Variants in CFDP1 observed in about 807,000 individuals in gnomAD.
CFDP1 encodes the protein chromatin remodeling protein CFDP1.
CFDP1 carries 31 observed loss-of-function variants against 40.1 expected under a neutral mutation model. That is an observed-to-expected ratio of 0.77 (90% CI 0.58 to 1.04). The LOEUF (loss-of-function observed/expected upper bound fraction) is 1.04, where lower values mean the gene tolerates loss of function less well. CFDP1 is among the 50% of genes least tolerant of loss of function. CFDP1 has a pLI of 0.00. For synonymous variants in CFDP1, 167 were observed against 120.0 expected (o/e 1.39, Z -2.56); for missense variants, 423 against 343.4 (o/e 1.23, Z -1.83).
chr16:75,425,418 T>C (rs1473919661), intron 1 of CFDP1, among the ~76,000 whole-genome samples: 1 of 141,652 alleles, frequency 7.1e-6, no homozygotes, highest in Non-Finnish European at 1.5e-5. Context: ...AAAAACTATA[T>C]GGAAAGGCAA....
At chr16:75,399,074 A>G (rs1025020977) in intron 4 of CFDP1, among the ~76,000 whole-genome samples, 4 of 137,816 alleles carry the variant, frequency 2.9e-5, no homozygotes, top group African/African-American at 1.1e-4. Context: ...AAAAAAAAAA[A>G]AAAAAGAAAA....
At chr16:75,425,499 A>G (rs952752404) in intron 1 of CFDP1, among the ~76,000 whole-genome samples, 1 of 152,012 alleles carries the variant, frequency 6.6e-6, no homozygotes, top group Non-Finnish European at 1.5e-5. Flanking sequence ...TGATTTCAAC[A>G]CTTAAATCAA....
intron 5 of CFDP1, among the ~76,000 whole-genome samples, chr16:75,375,100 G>A (rs1454040813): frequency 2.0e-5 from 3 of 148,930 alleles, no homozygotes; most frequent in Admixed American, 6.7e-5. Context: ...ATTAATTCAA[G>A]GTACAAAAAA....
intron 4 of CFDP1, among the ~76,000 whole-genome samples, chr16:75,399,469 A>C (rs532377880): frequency 1.3e-5 from 2 of 152,354 alleles, no homozygotes; most frequent in East Asian, 3.9e-4. Flanking sequence ...GTGGCAAATA[A>C]ATTTAAAAAG....
intron 5 of CFDP1, among the ~76,000 whole-genome samples, chr16:75,360,637 G>A (rs940759156): frequency 2.6e-5 from 4 of 152,110 alleles, no homozygotes; most frequent in Admixed American, 2.6e-4. Flanking sequence ...CCTTCTAGTA[G>A]AAATTGTTGA....
rs1422255792 is a variant in CFDP1 at position 75,429,374 on chromosome 16, C to G, written c.64+3915G>C. 3.3e-5 allele frequency among the ~76,000 whole-genome samples: 5 copies of G among 152,170 alleles called. No homozygotes were observed. In the East Asian group the frequency reaches 9.6e-4, roughly 29 times the overall value. On this transcript the variant is annotated intron_variant, in intron 1 of 6. Transcript: ENST00000283882. Reference sequence around the variant, plus strand: ...CAAGGTCTCATAAGAATGTTCCTGACCAGGCGTGGTGGCTCACGCCTGTAA... The same window carrying G: ...CAAGGTCTCATAAGAATGTTCCTGAGCAGGCGTGGTGGCTCACGCCTGTAA...
intron 5 of CFDP1, among the ~76,000 whole-genome samples, chr16:75,388,611 G>C (rs1238549879): frequency 6.6e-6 from 1 of 152,212 alleles, no homozygotes; most frequent in East Asian, 1.9e-4. Flanking sequence ...AGAAAAGCCA[G>C]TAATCCAGAT....
intron 2 of CFDP1, among the ~76,000 whole-genome samples, chr16:75,413,398 C>G (rs753557793): frequency 2.0e-5 from 3 of 151,800 alleles, no homozygotes; most frequent in Non-Finnish European, 1.5e-5. Context: ...TTCATCACAA[C>G]AAGATGAGAA....
chr16:75,297,251 C>T (rs915899661), intron 6 of CFDP1, among the ~76,000 whole-genome samples: 8 of 151,246 alleles, frequency 5.3e-5, no homozygotes, highest in Non-Finnish European at 1.0e-4. Context: ...AACTCCTGGC[C>T]TCAAGTAATC....
intron 5 of CFDP1, among the ~76,000 whole-genome samples, chr16:75,369,056 C>G (rs908851753): frequency 2.0e-5 from 3 of 152,042 alleles, no homozygotes; most frequent in Non-Finnish European, 4.4e-5. Context: ...GGCCAATCAG[C>G]TAATGTATCA....
In CFDP1 at chr16:75,347,981, G is replaced by A. The variant is rs977893133; in HGVS notation, c.651-42799C>T. Among the ~76,000 whole-genome samples, 19 of 152,266 alleles carry A rather than the reference G, an allele frequency of 1.2e-4. No homozygotes were observed. In the East Asian group the frequency reaches 2.3e-3, roughly 19 times the overall value. On this transcript the variant is annotated intron_variant, in intron 5 of 6. Coordinates refer to ENST00000283882, the MANE Select transcript of CFDP1 (RefSeq NM_006324.3). The stretch of plus-strand genomic sequence containing the variant: ...ATAGGCTGAGAAACTGTCATGGGGC[G>A]GGAGAAGACTAAGGAGACATGACAA...
intron 5 of CFDP1, among the ~76,000 whole-genome samples, chr16:75,344,121 T>C (rs941457256): frequency 1.3e-5 from 2 of 152,192 alleles, no homozygotes; most frequent in East Asian, 1.9e-4. Flanking sequence ...AACCGATGAA[T>C]TGCTTGGCTA....
intron 5 of CFDP1, among the ~76,000 whole-genome samples, chr16:75,373,153 T>A (rs1453993959): frequency 1.3e-5 from 2 of 152,160 alleles, no homozygotes; most frequent in African/African-American, 2.4e-5. Flanking sequence ...GCTACTTAAG[T>A]CTCGGTTTAT....
intron 5 of CFDP1, among the ~76,000 whole-genome samples, chr16:75,386,956 A>G (rs391192): frequency 0.92 from 140,151 of 152,220 alleles, 64,563 homozygotes; most frequent in East Asian, 1. Flanking sequence ...CAAATATTCA[A>G]GGGAAAATCT....
At chr16:75,365,451 C>T (rs1180209303) in intron 5 of CFDP1, among the ~76,000 whole-genome samples, 1 of 152,200 alleles carries the variant, frequency 6.6e-6, no homozygotes, top group Non-Finnish European at 1.5e-5. Context: ...CTCTGTGGCA[C>T]AGACGGACTA....
intron 5 of CFDP1, among the ~76,000 whole-genome samples, chr16:75,329,474 T>C (rs2078429160): frequency 6.6e-6 from 1 of 152,222 alleles, no homozygotes; most frequent in Admixed American, 6.5e-5. Context: ...TTTGGCTTAA[T>C]TGATCTTAGT....
At chr16:75,421,622 T>A (rs564534100) in intron 1 of CFDP1, among the ~76,000 whole-genome samples, 1 of 152,188 alleles carries the variant, frequency 6.6e-6, no homozygotes, top group African/African-American at 2.4e-5. Flanking sequence ...AGAAAGCCTC[T>A]TACATAATAA....
chr16:75,396,977 A>G (rs982215666), intron 4 of CFDP1, among the ~76,000 whole-genome samples: 6 of 151,870 alleles, frequency 4.0e-5, no homozygotes, highest in Non-Finnish European at 8.8e-5. Context: ...GCAGTGGCGC[A>G]ATCTCGGCTC....
chr16:75,315,407 A>G (rs781744112), intron 5 of CFDP1, among the ~76,000 whole-genome samples: 14 of 151,582 alleles, frequency 9.2e-5, no homozygotes, highest in Non-Finnish European at 1.9e-4. Flanking sequence ...ATACTCAATA[A>G]CGAGAAATGG....
Sources: allele counts gnomAD v4.1 joint callset (sites outside exome capture counted in the v4.1 genomes callset), GRCh38; gene constraint gnomAD v4.1.1; transcripts MANE v1.5; gene names NCBI Gene and HGNC (gene_info 2026-07-23, HGNC 2026-07-21).